Variants in SASH1 observed in about 807,000 individuals in gnomAD.
SASH1 encodes the protein SAM and SH3 domain containing 1.
A neutral mutation model predicts 125.2 loss-of-function variants in SASH1; 44 were observed. The ratio of observed to expected loss-of-function variants is 0.35; its 90% CI spans 0.28 to 0.45. The LOEUF (loss-of-function observed/expected upper bound fraction) is 0.45, where lower values mean the gene tolerates loss of function less well. SASH1 is among the 20% of genes least tolerant of loss of function. The pLI is 1.00. For synonymous variants in SASH1, 639 were observed against 649.1 expected, an observed-to-expected ratio of 0.98 and a Z score of 0.24; for missense variants, 1,426 against 1,614.5, an observed-to-expected ratio of 0.88 and a Z score of 2.00.
intron 1 of SASH1, among the ~76,000 whole-genome samples, chr6:148,312,142 G>A (rs926715496): frequency 1.3e-5 from 2 of 152,180 alleles, no homozygotes; most frequent in African/African-American, 2.4e-5. Context: ...TGGTGGTCGG[G>A]GGACGAGTTG....
the SASH1 span, among the ~76,000 whole-genome samples, chr6:148,224,113 G>A: frequency 2.0e-5 from 3 of 152,124 alleles, no homozygotes; most frequent in African/African-American, 7.2e-5. Flanking sequence ...GAGCAACATG[G>A]TGATAGCTTG....
Position 148,529,331 on chromosome 6 carries a change from G to A in SASH1, c.1428+1735G>A, listed in dbSNP as rs1265742294. ...TCAAAATGATCAGTGCTCAGGCTGA[G>A]AAACCGTGGCTTGTTAGACCTGCAG... On this transcript the variant is annotated intron_variant, in intron 12 of 19. Transcript: ENST00000367467. The surrounding 1 kb of genome is among the most constrained non-coding windows in gnomAD (Gnocchi z 4.2). Among the ~76,000 whole-genome samples, 1 of 152,216 alleles carries A rather than the reference G, an allele frequency of 6.6e-6. No individual in the cohort carries two copies. Among genetic ancestry groups the A allele is most frequent in the East Asian group, 1.9e-4 (1 of 5,194 alleles).
At chr6:148,218,982 G>A in the SASH1 span, among the ~76,000 whole-genome samples, 1 of 152,248 alleles carries the variant, frequency 6.6e-6, no homozygotes. Flanking sequence ...CAGCCTGAAA[G>A]TGGATGGAGG....
chr6:148,497,137 C>T (rs923638035), intron 8 of SASH1, among the ~76,000 whole-genome samples: 1 of 152,180 alleles, frequency 6.6e-6, no homozygotes, highest in African/African-American at 2.4e-5. Flanking sequence ...AGTAATAATT[C>T]CTTTAATCTA....
At chr6:148,279,298 T>A (rs1317995504) in intron 1 of SASH1, among the ~76,000 whole-genome samples, 1 of 152,104 alleles carries the variant, frequency 6.6e-6, no homozygotes, top group Non-Finnish European at 1.5e-5. Flanking sequence ...GCCAAGCAAA[T>A]GAATCTTTAA....
Position 148,342,878 on chromosome 6 carries a change from A to T in SASH1, c.-190A>T. The T allele has an allele frequency of 3.7e-6, 1 of 271,204 alleles. No individual in the cohort carries two copies. The highest frequency in any genetic ancestry group is 5.7e-6 in the Non-Finnish European group (1 of 176,896). 16.8% of individuals were successfully genotyped at this position (271,204 alleles called of 1,614,324 possible). A position where few individuals can be genotyped will look rare whatever the true frequency, so the allele number is the denominator to read the frequency against. On this transcript the variant is annotated 5_prime_UTR_variant, in exon 1 of 20. Coordinates refer to ENST00000367467, the MANE Select transcript of SASH1 (RefSeq NM_015278.5). ...GTTGTCAGTCGCGCAGCCCGTGGCC[A>T]CCTAGACCCGAGGTGCGGGCGCCTG...
chr6:148,354,530 CT>C (rs776460240), intron 1 of SASH1, among the ~76,000 whole-genome samples: 1 of 151,900 alleles, frequency 6.6e-6, no homozygotes, highest in Non-Finnish European at 1.5e-5. Flanking sequence ...CAGTTAGCAG[CT>C]ATTTTTTATG....
the SASH1 span, among the ~76,000 whole-genome samples, chr6:148,257,362 T>TA: frequency 2.6e-5 from 4 of 152,170 alleles, no homozygotes; most frequent in African/African-American, 9.7e-5. Flanking sequence ...TAAGGAATTT[T>TA]AAAATTCCTA....
chr6:148,205,476 C>T, the SASH1 span, among the ~76,000 whole-genome samples: 1 of 152,184 alleles, frequency 6.6e-6, no homozygotes, highest in African/African-American at 2.4e-5. Context: ...CTGGTTCTCA[C>T]TTCTGTGTTT....
At chr6:148,318,081 C>T (rs1168722865) in intron 1 of SASH1, among the ~76,000 whole-genome samples, 1 of 152,192 alleles carries the variant, frequency 6.6e-6, no homozygotes. Context: ...TGGTCTAAGG[C>T]ACTAGTATCG....
chr6:148,299,204 A>G (rs1227182577), intron 1 of SASH1, among the ~76,000 whole-genome samples: 1 of 152,222 alleles, frequency 6.6e-6, no homozygotes, highest in African/African-American at 2.4e-5. Flanking sequence ...TAGGCTTTAT[A>G]TTCTAGAGAA....
At chr6:148,226,640 T>G in the SASH1 span, among the ~76,000 whole-genome samples, 2 of 152,200 alleles carry the variant, frequency 1.3e-5, no homozygotes, top group African/African-American at 4.8e-5. Flanking sequence ...TTTTCTCTCT[T>G]CTTTCTTCTG....
At chr6:148,476,720 A>G (rs1284647414) in intron 7 of SASH1, among the ~76,000 whole-genome samples, 1 of 152,132 alleles carries the variant, frequency 6.6e-6, no homozygotes, top group East Asian at 1.9e-4. Flanking sequence ...TAATCTTAAA[A>G]TTTGTATTGA....
chr6:148,302,341 A>T (rs2495950), intron 1 of SASH1, among the ~76,000 whole-genome samples: 73,764 of 102,748 alleles, frequency 0.72, 29,019 homozygotes, highest in Middle Eastern at 0.87. Flanking sequence ...AAAAAAAAAA[A>T]CTAGTAATAT....
Position 148,551,944 on chromosome 6 carries a change from TAAAG to T in SASH1, c.*3388_*3391del, listed in dbSNP as rs1348015857. On this transcript the variant is annotated 3_prime_UTR_variant, in exon 20 of 20. Coordinates refer to ENST00000367467, the MANE Select transcript of SASH1 (RefSeq NM_015278.5). ...AATTATTGTGATGATTCATTTAGCA[TAAAG>T]AGAGGTGGACGGAAGGGTTTTCCTA... is the stretch of plus-strand genomic sequence containing the variant. The T allele has an allele frequency of 6.6e-6, 1 of 152,652 alleles. No homozygotes were observed. The highest frequency in any genetic ancestry group is 1.5e-5 in the Non-Finnish European group (1 of 68,042). 9.5% of individuals were successfully genotyped at this position (152,652 alleles called of 1,614,324 possible).
chr6:148,326,376 A>ATATATATACTTTCTTTTCTTTTCTT (rs1582968893), intron 1 of SASH1, among the ~76,000 whole-genome samples: 2 of 38,294 alleles, frequency 5.2e-5, no homozygotes, highest in African/African-American at 1.7e-4. Context: ...ATATATATAC[A>ATATATATACTTTCTTTTCTTTTCTT]TTCTTTTCTT....
intron 1 of SASH1, among the ~76,000 whole-genome samples, chr6:148,371,317 C>T (rs186377232): frequency 6.6e-6 from 1 of 151,668 alleles, no homozygotes; most frequent in Admixed American, 6.6e-5. Context: ...AGTGCAGTGG[C>T]GCAATCTCAG....
At chr6:148,276,815 T>G (rs146226449) in intron 1 of SASH1, among the ~76,000 whole-genome samples, 157 of 152,236 alleles carry the variant, frequency 1.0e-3, no homozygotes, top group African/African-American at 3.7e-3. Flanking sequence ...CCTGACACAG[T>G]GGCTTGCACC....
At chr6:148,337,446 G>A (rs1296658863) in intron 1 of SASH1, among the ~76,000 whole-genome samples, 2 of 151,984 alleles carry the variant, frequency 1.3e-5, no homozygotes, top group Admixed American at 6.6e-5. Context: ...GGATGGTCTC[G>A]ATCTCCTGAC....
Sources: allele counts gnomAD v4.1 joint callset (sites outside exome capture counted in the v4.1 genomes callset), GRCh38; gene constraint gnomAD v4.1.1; non-coding constraint Gnocchi (gnomAD v3.1); transcripts MANE v1.5; gene names NCBI Gene and HGNC (gene_info 2026-07-23, HGNC 2026-07-21).